The following ADGRB3 variants were observed in gnomAD, a reference collection of about 807,000 sequenced individuals.
The protein encoded by ADGRB3 is brain-specific angiogenesis inhibitor 3.
Under a neutral mutation model 193.4 loss-of-function variants are expected in ADGRB3, and 37 were observed. That is an observed-to-expected ratio of 0.19 (90% CI 0.15 to 0.25). ADGRB3 has a LOEUF of 0.25. Among genes scored for constraint, ADGRB3 ranks in the 10% least tolerant of loss-of-function variants. ADGRB3 has a pLI of 1.00. For synonymous variants in ADGRB3, 690 were observed against 644.2 expected, an observed-to-expected ratio of 1.07 and a Z score of -1.08; for missense variants, 1,637 against 1,852.9, an observed-to-expected ratio of 0.88 and a Z score of 2.14.
chr6:68,913,972 G>A (rs1411030203), intron 3 of ADGRB3, among the ~76,000 whole-genome samples: 1 of 151,052 alleles, frequency 6.6e-6, no homozygotes, highest in East Asian at 1.9e-4. Flanking sequence ...AGGAAATGAA[G>A]CGAGAAGGGA....
chr6:68,924,065 A>G (rs1478784966), intron 3 of ADGRB3, among the ~76,000 whole-genome samples: 2 of 152,074 alleles, frequency 1.3e-5, no homozygotes, highest in Non-Finnish European at 2.9e-5. Flanking sequence ...TGCTAGTACT[A>G]CTGAAAGTAG....
chr6:69,279,752 A>G (rs938644265), intron 20 of ADGRB3, among the ~76,000 whole-genome samples: 1 of 152,010 alleles, frequency 6.6e-6, no homozygotes, highest in African/African-American at 2.4e-5. Flanking sequence ...TTAATGAGAG[A>G]TGCTAGGTTT....
chr6:68,901,711 C>A (rs1020168673), intron 3 of ADGRB3, among the ~76,000 whole-genome samples: 1 of 151,922 alleles, frequency 6.6e-6, no homozygotes, highest in African/African-American at 2.4e-5. Context: ...CTTAAAATAG[C>A]TATATATACT....
chr6:68,993,182 G>C (rs1452468115), intron 10 of ADGRB3, among the ~76,000 whole-genome samples: 1 of 123,594 alleles, frequency 8.1e-6, no homozygotes. Flanking sequence ...GTTTTCAATT[G>C]TTTTTGCTGT....
intron 10 of ADGRB3, among the ~76,000 whole-genome samples, chr6:68,981,145 CACTT>C (rs750248513): frequency 2.6e-5 from 4 of 151,676 alleles, no homozygotes; most frequent in South Asian, 4.2e-4. Flanking sequence ...TGTGAGTACT[CACTT>C]ACGGAATTCA....
chr6:69,330,778 C>T (rs1309104783), intron 23 of ADGRB3, among the ~76,000 whole-genome samples: 1 of 151,962 alleles, frequency 6.6e-6, no homozygotes, highest in Non-Finnish European at 1.5e-5. Context: ...GAATATTAAA[C>T]TGGGAGTGTG....
intron 3 of ADGRB3, among the ~76,000 whole-genome samples, chr6:68,866,840 T>A (rs1368282932): frequency 6.6e-6 from 1 of 152,184 alleles, no homozygotes; most frequent in East Asian, 1.9e-4. Flanking sequence ...CAGGAGATGA[T>A]TTAGAGTATC....
intron 17 of ADGRB3, among the ~76,000 whole-genome samples, chr6:69,109,397 A>G (rs1773304749): frequency 6.6e-6 from 1 of 152,170 alleles, no homozygotes; most frequent in South Asian, 2.1e-4. Flanking sequence ...CCAGTCTTCC[A>G]TGTCCTTTGT....
At chr6:68,773,290 C>G (rs1766675261) in intron 3 of ADGRB3, among the ~76,000 whole-genome samples, 1 of 152,126 alleles carries the variant, frequency 6.6e-6, no homozygotes, top group Non-Finnish European at 1.5e-5. Flanking sequence ...AAATCCAGCT[C>G]TTCTCACTGC....
intron 3 of ADGRB3, among the ~76,000 whole-genome samples, chr6:68,643,847 G>A (rs1013488426): frequency 7.3e-5 from 11 of 150,972 alleles, no homozygotes; most frequent in Non-Finnish European, 1.3e-4. Context: ...GTAGAGAATT[G>A]CTTGAACCCT....
intron 17 of ADGRB3, among the ~76,000 whole-genome samples, chr6:69,097,715 T>G (rs555769674): frequency 7.0e-4 from 106 of 152,108 alleles, no homozygotes; most frequent in African/African-American, 2.5e-3. Flanking sequence ...TGTGTGTGTG[T>G]ATATATGGCT....
intron 3 of ADGRB3, among the ~76,000 whole-genome samples, chr6:68,852,398 A>T (rs1483302598): frequency 6.6e-6 from 1 of 152,004 alleles, no homozygotes; most frequent in Non-Finnish European, 1.5e-5. Context: ...TTATAAATAC[A>T]TGGTAATAGA....
chr6:69,337,019 C>A (rs1213371969), intron 24 of ADGRB3, among the ~76,000 whole-genome samples: 1 of 152,020 alleles, frequency 6.6e-6, no homozygotes, highest in Admixed American at 6.6e-5. Context: ...TAGTTAGACT[C>A]AAATAAATAT....
intron 3 of ADGRB3, among the ~76,000 whole-genome samples, chr6:68,923,289 T>C (rs890313959): frequency 6.6e-6 from 1 of 152,046 alleles, no homozygotes; most frequent in Non-Finnish European, 1.5e-5. Flanking sequence ...AGTAAAAATA[T>C]GTAAAAGACA....
At position 68,952,670 on chromosome 6, in the gene ADGRB3, CA is replaced by C. The variant is rs538271998; in HGVS notation, c.1196-3346del. The stretch of plus-strand genomic sequence containing the variant: ...TAATAAAAAAAAATTAAAAAGCTTG[CA>C]AAAAAAAGTGCAATTAATTTTCAAA... On this transcript the variant is annotated intron_variant, in intron 6 of 31. Coordinates refer to ENST00000370598, the MANE Select transcript of ADGRB3 (RefSeq NM_001704.3). 4.4e-3 allele frequency among the ~76,000 whole-genome samples: 663 copies of C among 151,560 alleles called. 3 individuals are homozygous for C. Among genetic ancestry groups the C allele is most frequent in the Non-Finnish European group, 8.1e-3 (549 of 67,812 alleles).
intron 3 of ADGRB3, among the ~76,000 whole-genome samples, chr6:68,711,432 T>A (rs1000738001): frequency 6.6e-6 from 1 of 152,036 alleles, no homozygotes; most frequent in African/African-American, 2.4e-5. Context: ...ATTATGAAAA[T>A]GCCAGAAAAA....
rs762470896 is a variant in ADGRB3, at chr6:69,325,029, A to G, written c.2965+7A>G. The G allele has an allele frequency of 1.9e-6, 3 of 1,612,126 alleles. No homozygotes were observed. The highest frequency in any genetic ancestry group is 2.5e-6 in the Non-Finnish European group (3 of 1,178,948). On this transcript the variant is annotated splice_region_variant and intron_variant, in intron 21 of 31. Coordinates refer to ENST00000370598, the MANE Select transcript of ADGRB3 (RefSeq NM_001704.3). ...TTTTTGTGCCTTGGATGGGGTAAGC[A>G]TATTGATATACCGTTTCATGCTCTT...
intron 6 of ADGRB3, 144 bp from the exon 7 acceptor site, chr6:68,955,880 C>A: frequency 4.5e-6 from 3 of 667,182 alleles, no homozygotes; most frequent in East Asian, 3.1e-5. Flanking sequence ...TTAATAAAAT[C>A]TCATGCTGGT....
intron 3 of ADGRB3, among the ~76,000 whole-genome samples, chr6:68,835,309 G>C (rs1035784200): frequency 6.6e-6 from 1 of 152,094 alleles, no homozygotes; most frequent in African/African-American, 2.4e-5. Context: ...TATTTGGCTT[G>C]AATTTATATC....
Sources: gnomAD v4.1 joint callset for allele counts (sites outside exome capture counted in the v4.1 genomes callset) on GRCh38, gnomAD v4.1.1 for gene constraint, MANE v1.5 for transcripts, NCBI Gene and HGNC (gene_info 2026-07-23, HGNC 2026-07-21) for gene names.